Variants in MSH4 observed in about 807,000 individuals in gnomAD.
The protein encoded by MSH4 is mutS protein homolog 4.
A neutral mutation model predicts 113.7 loss-of-function variants in MSH4; 106 were observed. That is an observed-to-expected ratio of 0.93 (90% CI 0.80 to 1.10). The LOEUF (loss-of-function observed/expected upper bound fraction) is 1.10. MSH4 is among the 50% of genes least tolerant of loss of function. The pLI, the probability that MSH4 is intolerant of heterozygous loss-of-function variation, is 0.00. For synonymous variants in MSH4, 368 were observed against 380.2 expected (o/e 0.97, Z 0.37); for missense variants, 1,061 against 1,093.7 (o/e 0.97, Z 0.42).
chr1:75,803,700 T>C lies in MSH4; in HGVS notation c.245-31T>C, dbSNP rs751718999. 4 of 1,446,034 alleles carry C rather than the reference T, an allele frequency of 2.8e-6. No individual in the cohort carries two copies. The South Asian group carries it at 5.6e-5, about 20-fold the overall frequency. 89.6% of individuals were successfully genotyped at this position (1,446,034 alleles called of 1,614,324 possible). A position where few individuals can be genotyped will look rare whatever the true frequency, so the allele number is the denominator to read the frequency against. On this transcript the variant is annotated intron_variant, in intron 1 of 19. Coordinates refer to ENST00000263187, the MANE Select transcript of MSH4 (RefSeq NM_002440.4). ...TACATCATTGCATAATTCAAATCTTTAAGAATTGACTGTTAATTTTTCAAA... is the reference window on the plus strand; with the variant it reads ...TACATCATTGCATAATTCAAATCTTCAAGAATTGACTGTTAATTTTTCAAA...
In MSH4 at chr1:75,881,313, G is replaced by C; in HGVS notation, c.1849G>C (p.Val617Leu). The change falls in exon 14 of 20, where the codon GTG becomes CTG. Residue 617 changes from valine to leucine, a missense_variant. By Grantham distance (32) the Val-to-Leu change is conservative. Coordinates refer to ENST00000263187, the MANE Select transcript of MSH4 (RefSeq NM_002440.4). ...IHCLYKLSDT[V>L]SMLDMLLSFA... is the part of the protein sequence containing the mutation. ...TTGCTTATATAAACTATCTGACACTGTGTCAATGCTGGATATGCTACTGTC... is the reference window on the plus strand; with the variant it reads ...TTGCTTATATAAACTATCTGACACTCTGTCAATGCTGGATATGCTACTGTC... 1.2e-6 allele frequency: 2 copies of C among 1,611,566 alleles called. No homozygotes were observed. The highest frequency in any genetic ancestry group is 1.7e-6 in the Non-Finnish European group (2 of 1,178,500).
intron 15 of MSH4, among the ~76,000 whole-genome samples, chr1:75,887,903 G>T (rs568533465): frequency 6.6e-6 from 1 of 151,738 alleles, no homozygotes; most frequent in South Asian, 2.1e-4. Context: ...GAGATTATGT[G>T]TCAGAAGCCA....
intron 4 of MSH4, 29 bp downstream of exon 4, chr1:75,810,836 C>T: frequency 9.8e-7 from 1 of 1,025,224 alleles, no homozygotes; most frequent in Non-Finnish European, 1.5e-6. Context: ...TTGTAACATT[C>T]AAGATCTAAT....
At chr1:75,836,426 G>A (rs1467035408) in intron 7 of MSH4, among the ~76,000 whole-genome samples, 1 of 151,076 alleles carries the variant, frequency 6.6e-6, no homozygotes, top group Non-Finnish European at 1.5e-5. Context: ...AGCCTCCCAA[G>A]TAGCTGATAC....
At chr1:75,903,299 A>G (rs1652549575) in intron 19 of MSH4, among the ~76,000 whole-genome samples, 1 of 151,672 alleles carries the variant, frequency 6.6e-6, no homozygotes, top group Non-Finnish European at 1.5e-5. Flanking sequence ...TATTGAAGAG[A>G]CTGTCTTCTT....
intron 13 of MSH4, among the ~76,000 whole-genome samples, chr1:75,880,844 G>A (rs913185962): frequency 2.0e-5 from 3 of 151,910 alleles, no homozygotes; most frequent in Non-Finnish European, 4.4e-5. Flanking sequence ...GAGAGAAAAT[G>A]CATATAGTTT....
intron 1 of MSH4, among the ~76,000 whole-genome samples, chr1:75,802,114 A>G (rs1319997167): frequency 2.6e-5 from 4 of 152,226 alleles, no homozygotes; most frequent in African/African-American, 9.6e-5. Flanking sequence ...GGCTGCATTT[A>G]GCCAAGATCA....
At chr1:75,897,710 C>T (rs1384252657) in intron 17 of MSH4, among the ~76,000 whole-genome samples, 197 bp from the exon 18 acceptor site, 5 of 152,032 alleles carry the variant, frequency 3.3e-5, no homozygotes, top group African/African-American at 1.2e-4. Context: ...ATAAACATAT[C>T]TTCTTCATTT....
chr1:75,878,074 T>C, intron 10 of MSH4, 75 bp from the exon 11 acceptor site: 9 of 1,142,862 alleles, frequency 7.9e-6, no homozygotes, highest in Admixed American at 3.2e-5. Context: ...TATCATCAAT[T>C]GTGATTCAAA....
chr1:75,886,698 T>A (rs1456602402), intron 15 of MSH4, among the ~76,000 whole-genome samples: 2 of 133,854 alleles, frequency 1.5e-5, no homozygotes, highest in Admixed American at 8.2e-5. Flanking sequence ...ATGTATAATA[T>A]ATAAATATAT....
chr1:75,816,439 T>C lies in MSH4; in HGVS notation c.882T>C (p.Tyr294=). ...TTGAATTTATTCAAAATTCAGTTTA[T>C]GCACCAAAATCACTGAAGATTTGTT... ...KYVEFIQNSV[Y]APKSLKICFQ... is the part of the protein sequence containing the mutation. Residue 294 remains tyrosine (Y), a synonymous_variant, in exon 6 of 20, where the codon TAT becomes TAC. Coordinates refer to ENST00000263187, the MANE Select transcript of MSH4 (RefSeq NM_002440.4). 6.2e-7 allele frequency: 1 copy of C among 1,610,362 alleles called. No individual in the cohort carries two copies. Among genetic ancestry groups the C allele is most frequent in the Non-Finnish European group, 8.5e-7 (1 of 1,177,694 alleles).
intron 18 of MSH4, 116 bp downstream of exon 18, chr1:75,898,197 G>A (rs1652426240): frequency 3.4e-6 from 2 of 594,502 alleles, no homozygotes; most frequent in Non-Finnish European, 5.6e-6. Context: ...ATTCTTTTGA[G>A]TGCTTATATT....
chr1:75,862,113 T>C (rs1004519790), intron 8 of MSH4, among the ~76,000 whole-genome samples: 1 of 152,180 alleles, frequency 6.6e-6, no homozygotes, highest in Non-Finnish European at 1.5e-5. Context: ...GAAGGGGATC[T>C]CCTGGTCTGC....
intron 1 of MSH4, among the ~76,000 whole-genome samples, chr1:75,802,492 T>C (rs1312617581): frequency 2.0e-5 from 3 of 152,222 alleles, no homozygotes; most frequent in African/African-American, 7.2e-5. Context: ...TAAAATTTTT[T>C]TAGAACTTCT....
chr1:75,857,279 G>T (rs1254481463), intron 8 of MSH4, among the ~76,000 whole-genome samples: 4 of 152,132 alleles, frequency 2.6e-5, no homozygotes, highest in Admixed American at 6.6e-5. Flanking sequence ...CTGTGCAGAA[G>T]CTCTTTAGTT....
intron 19 of MSH4, among the ~76,000 whole-genome samples, chr1:75,911,130 T>C (rs1312603400): frequency 6.6e-6 from 1 of 151,894 alleles, no homozygotes; most frequent in Non-Finnish European, 1.5e-5. Context: ...AAGGATCTTC[T>C]GTGGCTCAGG....
intron 8 of MSH4, among the ~76,000 whole-genome samples, chr1:75,863,227 T>C (rs1294370446): frequency 1.3e-5 from 2 of 152,156 alleles, no homozygotes; most frequent in African/African-American, 4.8e-5. Flanking sequence ...ATAATAAGAA[T>C]TACAGCTCTG....
chr1:75,810,173 T>A (rs190755239), intron 3 of MSH4, among the ~76,000 whole-genome samples: 4 of 151,920 alleles, frequency 2.6e-5, no homozygotes, highest in Non-Finnish European at 5.9e-5. Flanking sequence ...ATATGTTCAA[T>A]ATACTACCAT....
chr1:75,880,146 A>G lies in MSH4; in HGVS notation c.1774A>G (p.Thr592Ala). 1 of 1,503,542 alleles carries G rather than the reference A, an allele frequency of 6.7e-7. No homozygotes were observed. The highest frequency in any genetic ancestry group is 9.2e-7 in the Non-Finnish European group (1 of 1,091,074). The allele number at this position is 1,503,542 out of a possible 1,614,324, so 93.1% of individuals were successfully genotyped here. A position where few individuals can be genotyped will look rare whatever the true frequency, so the allele number is the denominator to read the frequency against. The change falls in exon 13 of 20, where the codon ACT becomes GCT. Residue 592 changes from threonine to alanine, a missense_variant. Coordinates refer to ENST00000263187, the MANE Select transcript of MSH4 (RefSeq NM_002440.4). ...ATCTTTGAGAGAAATCTATCACATG[A>G]CTTATATGTAAGAGCATTTGAAGTA... ...QESLREIYHMTYMIVCKLLSE... is the reference protein window; with the variant it reads ...QESLREIYHMAYMIVCKLLSE...
Sources: allele counts gnomAD v4.1 joint callset (sites outside exome capture counted in the v4.1 genomes callset), GRCh38; gene constraint gnomAD v4.1.1; transcripts MANE v1.5; gene names NCBI Gene and HGNC (gene_info 2026-07-23, HGNC 2026-07-21).